Variants in TLR4 observed in about 807,000 individuals in gnomAD.
The protein encoded by TLR4 is toll like receptor 4.
Under a neutral mutation model 27.4 loss-of-function variants are expected in TLR4, and 17 were observed. The ratio of observed to expected loss-of-function variants is 0.62; its 90% CI spans 0.42 to 0.93. The LOEUF (loss-of-function observed/expected upper bound fraction) is 0.93, where lower values mean the gene tolerates loss of function less well. Among genes scored for constraint, TLR4 ranks in the 40% least tolerant of loss-of-function variants. TLR4 has a pLI of 0.00. For missense variants in TLR4, 926 were observed against 962.3 expected (o/e 0.96, Z 0.50); for synonymous variants, 363 against 365.7 (o/e 0.99, Z 0.08).
At chr9:117,711,694 A>G (rs903013435) in intron 2 of TLR4, among the ~76,000 whole-genome samples, 2 of 151,684 alleles carry the variant, frequency 1.3e-5, no homozygotes, top group Non-Finnish European at 2.9e-5. Context: ...TCATCTTTCA[A>G]TTTTCAACTT....
Position 117,718,659 on chromosome 9 carries a change from A to T in TLR4, c.*4011A>T, listed in dbSNP as rs79895571. 1 of 152,138 alleles carries T rather than the reference A, an allele frequency of 6.6e-6. No individual in the cohort carries two copies. The highest frequency in any genetic ancestry group is 1.5e-5 in the Non-Finnish European group (1 of 68,034). 9.4% of individuals were successfully genotyped at this position (152,138 alleles called of 1,614,324 possible). A position where few individuals can be genotyped will look rare whatever the true frequency, so the allele number is the denominator to read the frequency against. ...TTCTCTGAGAGTCTACTTAGCTCCAATGTAAAATAAGAATAGAACTATGAC... is the reference window on the plus strand; with the variant it reads ...TTCTCTGAGAGTCTACTTAGCTCCATTGTAAAATAAGAATAGAACTATGAC... On this transcript the variant is annotated 3_prime_UTR_variant, in exon 3 of 3. Transcript: ENST00000355622.
chr9:117,712,261 C>G, intron 2 of TLR4, 128 bp from the exon 3 acceptor site: 1 of 929,004 alleles, frequency 1.1e-6, no homozygotes, highest in Non-Finnish European at 1.7e-6. Context: ...TGCTTGATGT[C>G]TTTGCCTATG....
rs963375348 is a variant in TLR4 at position 117,719,922 on chromosome 9, G to C, written c.*5274G>C. 3.3e-5 allele frequency: 5 copies of C among 152,104 alleles called. No homozygotes were observed. Among genetic ancestry groups the C allele is most frequent in the African/African-American group, 9.7e-5 (4 of 41,424 alleles). 9.4% of individuals were successfully genotyped at this position (152,104 alleles called of 1,614,324 possible). On this transcript the variant is annotated 3_prime_UTR_variant, in exon 3 of 3. Transcript: ENST00000355622. ...GTTACTGCTACCTTGTGAGTTAAAG[G>C]CTACTCTTCTCATTTTAGAAATGAG...
In TLR4 at chr9:117,714,037, T is replaced by G; in HGVS notation, c.1909T>G (p.Ser637Ala). The G allele has an allele frequency of 1.2e-6, 2 of 1,613,944 alleles. No individual in the cohort carries two copies. The highest frequency in any genetic ancestry group is 1.7e-6 in the Non-Finnish European group (2 of 1,179,970). Residue 637 changes from serine to alanine, a missense_variant, in exon 3 of 3, where the codon TCG becomes GCG. Transcript: ENST00000355622. ...GATGAATAAGACCATCATTGGTGTGTCGGTCCTCAGTGTGCTTGTAGTATC... is the reference window on the plus strand; with the variant it reads ...GATGAATAAGACCATCATTGGTGTGGCGGTCCTCAGTGTGCTTGTAGTATC... ...CQMNKTIIGV[S>A]VLSVLVVSVV...
intron 2 of TLR4, among the ~76,000 whole-genome samples, chr9:117,711,504 C>T (rs1829230855): frequency 6.6e-6 from 1 of 152,090 alleles, no homozygotes; most frequent in African/African-American, 2.4e-5. Flanking sequence ...GTTGGTAAAC[C>T]TCTGCCTAAT....
At position 117,714,475 on chromosome 9, in the gene TLR4, G is replaced by A. The variant is rs771577055; in HGVS notation, c.2347G>A (p.Val783Met). The A allele has an allele frequency of 1.2e-6, 2 of 1,613,690 alleles. No individual in the cohort carries two copies. Among genetic ancestry groups the A allele is most frequent in the Non-Finnish European group, 1.7e-6 (2 of 1,180,008 alleles). ...GGAGAAGACCCTGCTCAGGCAGCAG[G>A]TGGAGCTGTACCGCCTTCTCAGCAG... ...KVEKTLLRQQ[V>M]ELYRLLSRNT... Residue 783 changes from valine to methionine, a missense_variant, in exon 3 of 3, where the codon GTG becomes ATG. Val to Met is a conservative substitution (Grantham distance 21). Transcript: ENST00000355622.
chr9:117,720,441 T>C lies in TLR4; in HGVS notation c.*5793T>C, dbSNP rs1588098232. On this transcript the variant is annotated 3_prime_UTR_variant, in exon 3 of 3. Coordinates refer to ENST00000355622, the MANE Select transcript of TLR4 (RefSeq NM_138554.5). ...TGATCCCTCCTGTGACAGTGCTAAGTGACAATTCTGAGTGTAAATGCGCTT... is the reference window on the plus strand; with the variant it reads ...TGATCCCTCCTGTGACAGTGCTAAGCGACAATTCTGAGTGTAAATGCGCTT... 1.3e-5 allele frequency: 2 copies of C among 152,296 alleles called. No homozygotes were observed. Among genetic ancestry groups the C allele is most frequent in the East Asian group, 3.9e-4 (2 of 5,178 alleles). The allele number at this position is 152,296 out of a possible 1,614,324, so 9.4% of individuals were successfully genotyped here. A position where few individuals can be genotyped will look rare whatever the true frequency, so the allele number is the denominator to read the frequency against.
rs1829375871 is a variant in TLR4, at chr9:117,717,765, A to G, written c.*3117A>G. ...CTCTGAGAAGGAAGATCAACATACAACTTGGAATATTTCAAGGCCGAAATA... is the reference window on the plus strand; with the variant it reads ...CTCTGAGAAGGAAGATCAACATACAGCTTGGAATATTTCAAGGCCGAAATA... On this transcript the variant is annotated 3_prime_UTR_variant, in exon 3 of 3. Transcript: ENST00000355622. 6.6e-6 allele frequency: 1 copy of G among 152,206 alleles called. No homozygotes were observed. Among genetic ancestry groups the G allele is most frequent in the Admixed American group, 6.5e-5 (1 of 15,280 alleles). 9.4% of individuals were successfully genotyped at this position (152,206 alleles called of 1,614,324 possible). A position where few individuals can be genotyped will look rare whatever the true frequency, so the allele number is the denominator to read the frequency against.
intron 2 of TLR4, among the ~76,000 whole-genome samples, chr9:117,709,304 C>T (rs1460708046): frequency 6.6e-6 from 1 of 151,954 alleles, no homozygotes; most frequent in Non-Finnish European, 1.5e-5. Context: ...GAGGGGCCTT[C>T]TCTGTGGTGG....
At chr9:117,705,727 C>T (rs1305539810) in intron 1 of TLR4, among the ~76,000 whole-genome samples, 1 of 152,116 alleles carries the variant, frequency 6.6e-6, no homozygotes, top group Non-Finnish European at 1.5e-5. Flanking sequence ...ATTCATTCTG[C>T]ACGTTCTTGT....
chr9:117,714,008 G>A lies in TLR4; in HGVS notation c.1880G>A (p.Cys627Tyr). The change falls in exon 3 of 3, where the codon TGT (cysteine) becomes TAT (tyrosine). Residue 627 changes from cysteine to tyrosine, a missense_variant. Coordinates refer to ENST00000355622, the MANE Select transcript of TLR4 (RefSeq NM_138554.5). ...GMPVLSLNITCQMNKTIIGVS... is the reference protein window; with the variant it reads ...GMPVLSLNITYQMNKTIIGVS... The stretch of plus-strand genomic sequence containing the variant: ...CCTGTGCTGAGTTTGAATATCACCT[G>A]TCAGATGAATAAGACCATCATTGGT... 1 of 1,613,970 alleles carries A rather than the reference G, an allele frequency of 6.2e-7. No individual in the cohort carries two copies. The highest frequency in any genetic ancestry group is 8.5e-7 in the Non-Finnish European group (1 of 1,179,984).
Position 117,712,410 on chromosome 9 carries a change from A to G in TLR4, c.282A>G (p.Glu94=). Residue 94 remains glutamate, a synonymous_variant, in exon 3 of 3, where the codon GAA becomes GAG. Coordinates refer to ENST00000355622, the MANE Select transcript of TLR4 (RefSeq NM_138554.5). The part of the protein sequence containing the change: ...DLSRCEIQTI[E]DGAYQSLSHL... ...GTAGGTGTGAAATCCAGACAATTGAAGATGGGGCATATCAGAGCCTAAGCC... is the reference window on the plus strand; with the variant it reads ...GTAGGTGTGAAATCCAGACAATTGAGGATGGGGCATATCAGAGCCTAAGCC... The G allele has an allele frequency of 6.2e-7, 1 of 1,613,888 alleles. No individual in the cohort carries two copies. The highest frequency in any genetic ancestry group is 2.2e-5 in the East Asian group (1 of 44,854).
chr9:117,714,173 G>C lies in TLR4; in HGVS notation c.2045G>C (p.Ser682Thr), dbSNP rs143012151. The C allele has an allele frequency of 6.2e-7, 1 of 1,613,986 alleles. No homozygotes were observed. The highest frequency in any genetic ancestry group is 8.5e-7 in the Non-Finnish European group (1 of 1,179,924). Residue 682 changes from serine to threonine, a missense_variant, in exon 3 of 3, where the codon AGC becomes ACC. Physicochemically the swap from Ser to Thr is moderately conservative, Grantham distance 58 (BLOSUM62 1). Transcript: ENST00000355622. ...TATGATGCCTTTGTTATCTACTCAAGCCAGGATGAGGACTGGGTAAGGAAT... is the reference window on the plus strand; with the variant it reads ...TATGATGCCTTTGTTATCTACTCAACCCAGGATGAGGACTGGGTAAGGAAT... ...NIYDAFVIYS[S>T]QDEDWVRNEL...
rs1829390360 is a variant in TLR4, at chr9:117,718,919, T to C, written c.*4271T>C. 6.6e-6 allele frequency: 1 copy of C among 152,214 alleles called. No homozygotes were observed. Among genetic ancestry groups the C allele is most frequent in the Admixed American group, 6.5e-5 (1 of 15,270 alleles). 9.4% of individuals were successfully genotyped at this position (152,214 alleles called of 1,614,324 possible). Reference sequence around the variant, plus strand: ...CTGATTCATTCTCTACTCACGGGATTGTCAGACCCCAGTCTTCTTCTGGAC... The same window carrying C: ...CTGATTCATTCTCTACTCACGGGATCGTCAGACCCCAGTCTTCTTCTGGAC... On this transcript the variant is annotated 3_prime_UTR_variant, in exon 3 of 3. Coordinates refer to ENST00000355622, the MANE Select transcript of TLR4 (RefSeq NM_138554.5).
intron 2 of TLR4, among the ~76,000 whole-genome samples, chr9:117,709,577 G>A (rs1163546883): frequency 6.6e-6 from 1 of 152,000 alleles, no homozygotes; most frequent in African/African-American, 2.4e-5. Flanking sequence ...TTTCATCATC[G>A]GGGCCTTATT....
At chr9:117,711,884 A>G (rs867092657) in intron 2 of TLR4, among the ~76,000 whole-genome samples, 7 of 152,212 alleles carry the variant, frequency 4.6e-5, no homozygotes, top group African/African-American at 1.2e-4. Flanking sequence ...AGCACTTTTC[A>G]TAAACATTAA....
chr9:117,706,479 A>C (rs915688184), intron 1 of TLR4, among the ~76,000 whole-genome samples: 6 of 152,174 alleles, frequency 3.9e-5, no homozygotes, highest in Non-Finnish European at 8.8e-5. Context: ...GCCAGCACAC[A>C]GTAGCCGCTA....
rs1377436201 is a variant in TLR4, at chr9:117,720,375, GC to G, written c.*5728del. ...CATCTAGAAATTAAAAGTTTAAAAG[GC>G]AGAGTCTGCAACTCTCCTTGATTTC... On this transcript the variant is annotated 3_prime_UTR_variant, in exon 3 of 3. Transcript: ENST00000355622. 6.6e-6 allele frequency: 1 copy of G among 152,086 alleles called. No individual in the cohort carries two copies. Among genetic ancestry groups the G allele is most frequent in the Admixed American group, 6.6e-5 (1 of 15,256 alleles). The allele number at this position is 152,086 out of a possible 1,614,324, so 9.4% of individuals were successfully genotyped here.
Position 117,714,698 on chromosome 9 carries a change from A to G in TLR4, c.*50A>G. On this transcript the variant is annotated 3_prime_UTR_variant, in exon 3 of 3. Transcript: ENST00000355622. ...GGCATTTCTTGCCCAGCTGGGTCCA[A>G]CACTTGTTCAGTTAATAAGTATTAA... is the stretch of plus-strand genomic sequence containing the variant. The G allele has an allele frequency of 1.3e-6, 2 of 1,515,202 alleles. No individual in the cohort carries two copies. Among genetic ancestry groups the G allele is most frequent in the Non-Finnish European group, 1.8e-6 (2 of 1,096,136 alleles). The allele number at this position is 1,515,202 out of a possible 1,614,324, so 93.9% of individuals were successfully genotyped here.
Sources: gnomAD v4.1 joint callset for allele counts (sites outside exome capture counted in the v4.1 genomes callset) on GRCh38, gnomAD v4.1.1 for gene constraint, MANE v1.5 for transcripts, NCBI Gene and HGNC (gene_info 2026-07-23, HGNC 2026-07-21) for gene names.